WDR11: variants seen among roughly 807,000 people sequenced by gnomAD.
The protein encoded by WDR11 is WD repeat domain 11, also known as WD repeat-containing protein 11.
WDR11 carries 83 observed loss-of-function variants against 151.2 expected under a neutral mutation model. The observed-to-expected ratio is 0.55, with a 90% confidence interval of 0.46 to 0.66. The LOEUF is 0.66. WDR11 is among the 30% of genes least tolerant of loss of function. WDR11 has a pLI of 0.00. For missense variants in WDR11, 1,301 were observed against 1,480.9 expected, an observed-to-expected ratio of 0.88 and a Z score of 1.99; for synonymous variants, 484 against 533.1, an observed-to-expected ratio of 0.91 and a Z score of 1.27.
intron 12 of WDR11, chr10:120,879,914 A>G (rs1410659680): frequency 6.6e-6 from 1 of 152,232 alleles, no homozygotes; most frequent in Non-Finnish European, 1.5e-5. Flanking sequence ...TTTTTTATTC[A>G]CAGAAAATCA....
Position 120,903,104 on chromosome 10 carries a change from T to C in WDR11, c.2803T>C (p.Tyr935His). ...GCACTTCTGGACTGTCGCTGCCCAC[T>C]ACCTGCACAGCTTATCCCAGGAAAA... ...ELHFWTVAAH[Y>H]LHSLSQEKSA... The change falls in exon 23 of 29, where the codon TAC (tyrosine) becomes CAC (histidine). Residue 935 changes from tyrosine to histidine, a missense_variant. Tyr to His is a moderately conservative substitution (Grantham distance 83, BLOSUM62 2). Around this residue, in one of 3 missense-constraint regions of WDR11, gnomAD observed 589 missense variants for 670.6 expected, o/e 0.88. Coordinates refer to ENST00000263461, the MANE Select transcript of WDR11 (RefSeq NM_018117.12). 1 of 1,614,164 alleles carries C rather than the reference T, an allele frequency of 6.2e-7. No individual in the cohort carries two copies. The highest frequency in any genetic ancestry group is 1.3e-5 in the African/African-American group (1 of 75,036).
intron 14 of WDR11, 89 bp downstream of exon 14, chr10:120,883,977 T>C (rs1358118366): frequency 1.5e-5 from 16 of 1,076,834 alleles, no homozygotes; most frequent in Non-Finnish European, 2.2e-5. Context: ...AAATCATTAC[T>C]GCCAATGTCA....
At chr10:120,878,861 G>A (rs1846897944) in intron 12 of WDR11, 1 of 157,374 alleles carries the variant, frequency 6.4e-6, no homozygotes, top group South Asian at 1.9e-4. Flanking sequence ...GTTAAGGATT[G>A]TTTTTAAATG....
intron 10 of WDR11, among the ~76,000 whole-genome samples, chr10:120,872,410 A>G (rs534620471): frequency 2.4e-4 from 36 of 152,112 alleles, no homozygotes; most frequent in Non-Finnish European, 3.5e-4. Flanking sequence ...AGTGTTCCTG[A>G]TTTGTCAGTT....
At chr10:120,852,681 G>T (rs1478322549) in intron 2 of WDR11, 46 bp downstream of exon 2, 1 of 1,471,760 alleles carries the variant, frequency 6.8e-7, no homozygotes, top group Non-Finnish European at 9.5e-7. Flanking sequence ...CTAGTCTAAA[G>T]TTTAATACTG....
chr10:120,856,857 T>C (rs1482947632), intron 2 of WDR11, among the ~76,000 whole-genome samples: 1 of 152,166 alleles, frequency 6.6e-6, no homozygotes, highest in Non-Finnish European at 1.5e-5. Context: ...GTGGTAGCTA[T>C]ATTCTGTAAA....
At chr10:120,884,853 G>A (rs1847159849) in intron 14 of WDR11, among the ~76,000 whole-genome samples, 1 of 152,196 alleles carries the variant, frequency 6.6e-6, no homozygotes, top group Non-Finnish European at 1.5e-5. Context: ...ATAAAGGAAT[G>A]TTCAAACTCA....
intron 9 of WDR11, 92 bp from the exon 10 acceptor site, chr10:120,871,078 C>G (rs546970943): frequency 7.7e-7 from 1 of 1,302,608 alleles, no homozygotes; most frequent in Non-Finnish European, 1.1e-6. Context: ...TACTTTTAGA[C>G]CTGAAGAGCA....
At chr10:120,886,116 T>C (rs1464594553) in intron 15 of WDR11, among the ~76,000 whole-genome samples, 178 bp downstream of exon 15, 1 of 152,220 alleles carries the variant, frequency 6.6e-6, no homozygotes, top group Non-Finnish European at 1.5e-5. Flanking sequence ...TCATTTTTAG[T>C]ATTGTACTAT....
intron 1 of WDR11, chr10:120,851,928 G>C: frequency 3.8e-6 from 1 of 266,030 alleles, no homozygotes; most frequent in Non-Finnish European, 7.3e-6. Context: ...CCTGTGCTAG[G>C]CGCCTGTTCT....
intron 2 of WDR11, among the ~76,000 whole-genome samples, chr10:120,858,133 ATTT>A (rs34379642): frequency 1.9e-4 from 28 of 149,408 alleles, no homozygotes; most frequent in Middle Eastern, 3.5e-3. Flanking sequence ...GGCATGAAGC[ATTT>A]TTTTTTTTTT....
At chr10:120,880,966 T>C in intron 13 of WDR11, 65 bp downstream of exon 13, 2 of 1,440,930 alleles carry the variant, frequency 1.4e-6, no homozygotes, top group East Asian at 4.9e-5. Flanking sequence ...ATTTTTTTAA[T>C]CTTTAAGAAA....
chr10:120,851,666 T>C (rs1022979334), intron 1 of WDR11, 160 bp downstream of exon 1: 7 of 828,888 alleles, frequency 8.4e-6, no homozygotes, highest in Non-Finnish European at 1.3e-5. Context: ...ATTTTTGTTG[T>C]TACAAAAGTG....
At chr10:120,873,507 C>G (rs1846622121) in intron 10 of WDR11, among the ~76,000 whole-genome samples, 1 of 152,148 alleles carries the variant, frequency 6.6e-6, no homozygotes, top group Non-Finnish European at 1.5e-5. Flanking sequence ...TTCTGAGTCT[C>G]AAAAAGTATA....
At chr10:120,892,688 T>C (rs544818334) in intron 19 of WDR11, among the ~76,000 whole-genome samples, 1 of 152,346 alleles carries the variant, frequency 6.6e-6, no homozygotes, top group Admixed American at 6.5e-5. Context: ...CGTAAAATAT[T>C]GATTCACATC....
intron 19 of WDR11, among the ~76,000 whole-genome samples, chr10:120,897,475 C>T (rs1464116563): frequency 1.3e-5 from 2 of 152,064 alleles, no homozygotes; most frequent in Non-Finnish European, 2.9e-5. Context: ...TGGTGAATAC[C>T]CCTTATCTAG....
intron 11 of WDR11, among the ~76,000 whole-genome samples, chr10:120,875,561 A>G (rs192188109): frequency 3.3e-5 from 5 of 152,272 alleles, no homozygotes; most frequent in African/African-American, 9.6e-5. Flanking sequence ...CTAGAGTGCA[A>G]TGGCGCGATC....
chr10:120,876,575 C>T (rs1214454284), intron 11 of WDR11, among the ~76,000 whole-genome samples: 1 of 152,186 alleles, frequency 6.6e-6, no homozygotes, highest in Admixed American at 6.5e-5. Flanking sequence ...TCTGGCACTT[C>T]TAGTAGTCTC....
intron 19 of WDR11, among the ~76,000 whole-genome samples, chr10:120,891,362 T>C (rs1433639475): frequency 6.6e-6 from 1 of 152,194 alleles, no homozygotes; most frequent in Non-Finnish European, 1.5e-5. Flanking sequence ...TCAAGCAAAT[T>C]AGCAGATTGC....
Sources: gnomAD v4.1 joint callset for allele counts (sites outside exome capture counted in the v4.1 genomes callset) on GRCh38, gnomAD v4.1.1 for gene constraint, gnomAD v4.1.1 regional missense constraint, MANE v1.5 for transcripts, NCBI Gene and HGNC (gene_info 2026-07-23, HGNC 2026-07-21) for gene names.